CRACD: variants seen among roughly 807,000 people sequenced by gnomAD.
The protein encoded by CRACD is capping protein-inhibiting regulator of actin dynamics.
A neutral mutation model predicts 106.8 loss-of-function variants in CRACD; 56 were observed. That is an observed-to-expected ratio of 0.52 (90% CI 0.42 to 0.66). The LOEUF (loss-of-function observed/expected upper bound fraction) is 0.66. Among genes scored for constraint, CRACD ranks in the 30% least tolerant of loss-of-function variants. CRACD has a pLI of 0.00. For synonymous variants in CRACD, 754 were observed against 670.8 expected (o/e 1.12, Z -1.92); for missense variants, 1,730 against 1,623.2 (o/e 1.07, Z -1.13).
At chr4:56,155,936 A>C (rs1282890261) in intron 1 of CRACD, among the ~76,000 whole-genome samples, 1 of 152,086 alleles carries the variant, frequency 6.6e-6, no homozygotes, top group African/African-American at 2.4e-5. Flanking sequence ...TTGTGAACCT[A>C]TGGGAAAAAA....
intron 3 of CRACD, among the ~76,000 whole-genome samples, chr4:56,286,621 T>C (rs1743375158): frequency 6.6e-6 from 1 of 151,344 alleles, no homozygotes; most frequent in Admixed American, 6.6e-5. Flanking sequence ...ATGTCAATTA[T>C]ATTGCAATAG....
chr4:56,200,747 GT>G (rs1404717076), intron 2 of CRACD, among the ~76,000 whole-genome samples: 3 of 152,152 alleles, frequency 2.0e-5, no homozygotes, highest in African/African-American at 7.2e-5. Context: ...AGTAGAAAGT[GT>G]AGAAAGTTCG....
chr4:56,094,927 A>G (rs1189492629), intron 1 of CRACD, among the ~76,000 whole-genome samples: 1 of 152,174 alleles, frequency 6.6e-6, no homozygotes, highest in Non-Finnish European at 1.5e-5. Context: ...TTTTTGCAAT[A>G]TTTACTTCAG....
intron 1 of CRACD, among the ~76,000 whole-genome samples, chr4:56,154,737 A>G (rs940321366): frequency 6.6e-6 from 1 of 152,176 alleles, no homozygotes; most frequent in African/African-American, 2.4e-5. Context: ...CAAGGAGGAC[A>G]GAAATGTAGA....
intron 1 of CRACD, among the ~76,000 whole-genome samples, chr4:56,137,497 T>C (rs1735043510): frequency 6.6e-6 from 1 of 152,156 alleles, no homozygotes; most frequent in Admixed American, 6.5e-5. Flanking sequence ...GCTCACCTCC[T>C]TTATCTCTCT....
At chr4:56,273,236 C>A (rs141860814) in intron 3 of CRACD, among the ~76,000 whole-genome samples, 98 of 152,216 alleles carry the variant, frequency 6.4e-4, no homozygotes, top group Non-Finnish European at 8.7e-4. Flanking sequence ...ATACCCCTGG[C>A]CATCTCTAGC....
intron 2 of CRACD, among the ~76,000 whole-genome samples, chr4:56,236,923 A>G (rs1740010128): frequency 6.6e-6 from 1 of 152,210 alleles, no homozygotes; most frequent in Non-Finnish European, 1.5e-5. Flanking sequence ...GTGAAGATTC[A>G]GAGAAATCTC....
At chr4:56,242,961 C>T (rs966168270) in intron 2 of CRACD, among the ~76,000 whole-genome samples, 16 of 152,174 alleles carry the variant, frequency 1.1e-4, no homozygotes, top group Non-Finnish European at 5.9e-5. Context: ...GCGCATGAGC[C>T]GCCCCAGAGA....
intron 1 of CRACD, among the ~76,000 whole-genome samples, chr4:56,141,684 T>C (rs967463188): frequency 1.6e-5 from 1 of 62,782 alleles, no homozygotes; most frequent in Non-Finnish European, 2.7e-5. Context: ...GAAGTACTAT[T>C]TTTTTTTTTT....
At chr4:56,321,163 G>T in intron 8 of CRACD, 1 of 242,188 alleles carries the variant, frequency 4.1e-6, no homozygotes, top group Non-Finnish European at 8.5e-6. Flanking sequence ...CTGAGGTTCT[G>T]CAGGCAGTTG....
At chr4:56,300,163 G>A (rs1744284849) in intron 4 of CRACD, among the ~76,000 whole-genome samples, 1 of 152,186 alleles carries the variant, frequency 6.6e-6, no homozygotes, top group Non-Finnish European at 1.5e-5. Context: ...TATTTGTGAG[G>A]TGTTCTTGTT....
intron 1 of CRACD, among the ~76,000 whole-genome samples, chr4:56,105,904 C>A (rs1229921310): frequency 2.0e-5 from 3 of 151,488 alleles, no homozygotes; most frequent in Non-Finnish European, 4.4e-5. Flanking sequence ...TTGGAGCTGG[C>A]CTTTGGCAAA....
intron 2 of CRACD, among the ~76,000 whole-genome samples, chr4:56,249,752 A>G (rs1283687126): frequency 6.6e-6 from 1 of 152,186 alleles, no homozygotes; most frequent in African/African-American, 2.4e-5. Context: ...GTTTTGTGTC[A>G]TTATTAGGAA....
chr4:56,144,818 T>C (rs919960099), intron 1 of CRACD, among the ~76,000 whole-genome samples: 3 of 152,090 alleles, frequency 2.0e-5, no homozygotes, highest in African/African-American at 7.2e-5. Context: ...CATGCCTGGC[T>C]AATGTTTATA....
intron 3 of CRACD, among the ~76,000 whole-genome samples, chr4:56,283,457 G>T (rs1030421951): frequency 6.6e-6 from 1 of 152,058 alleles, no homozygotes; most frequent in Non-Finnish European, 1.5e-5. Context: ...GTGTAGCTCT[G>T]GTAGGACATA....
chr4:56,175,522 G>A (rs1014032144), intron 1 of CRACD, among the ~76,000 whole-genome samples: 1 of 151,848 alleles, frequency 6.6e-6, no homozygotes, highest in Non-Finnish European at 1.5e-5. Context: ...TTAAATTTTT[G>A]TGGGTATGTA....
At chr4:56,108,242 G>C (rs1734009710) in intron 1 of CRACD, among the ~76,000 whole-genome samples, 1 of 152,082 alleles carries the variant, frequency 6.6e-6, no homozygotes, top group African/African-American at 2.4e-5. Context: ...TTAAACAAAT[G>C]ATTAAGATTA....
In CRACD at chr4:56,328,323, A is replaced by C. The variant is rs1330026010; in HGVS notation, c.*519A>C. 1.9e-6 allele frequency: 1 copy of C among 518,786 alleles called. No homozygotes were observed. The highest frequency in any genetic ancestry group is 3.8e-6 in the Non-Finnish European group (1 of 259,842). 32.1% of individuals were successfully genotyped at this position (518,786 alleles called of 1,614,324 possible). ...TCCTGAATGCAGTGAGTAATTGGGA[A>C]TCACAAGGAACATTCTGGCACCCAA... On this transcript the variant is annotated 3_prime_UTR_variant, in exon 11 of 11. Coordinates refer to ENST00000682029, the MANE Select transcript of CRACD (RefSeq NM_001393381.1).
Position 56,057,842 on chromosome 4 carries a change from G to A in CRACD, c.-336+8543G>A, listed in dbSNP as rs1354107563. 4.6e-4 allele frequency among the ~76,000 whole-genome samples: 24 copies of A among 52,176 alleles called. 6 individuals are homozygous for A. The highest frequency in any genetic ancestry group is 3.0e-3 in the African/African-American group (18 of 6,022). The allele number at this position is 52,176 out of a possible 152,430, so 34.2% of individuals were successfully genotyped here. On this transcript the variant is annotated intron_variant, in intron 1 of 10. Transcript: ENST00000682029. ...TTTTTTTTTTTTTTTTTTTTGAGAC[G>A]GAGTCTCGCTCTGTCGCCCAGGCTG...
Sources: gnomAD v4.1 joint callset for allele counts (sites outside exome capture counted in the v4.1 genomes callset) on GRCh38, gnomAD v4.1.1 for gene constraint, MANE v1.5 for transcripts, NCBI Gene and HGNC (gene_info 2026-07-23, HGNC 2026-07-21) for gene names.